The following DPP6 variants were observed in gnomAD, a reference collection of about 807,000 sequenced individuals.
The protein encoded by DPP6 is A-type potassium channel modulatory protein DPP6.
DPP6 carries 69 observed loss-of-function variants against 122.6 expected under a neutral mutation model. The ratio of observed to expected loss-of-function variants is 0.56; its 90% CI spans 0.46 to 0.69. The LOEUF (loss-of-function observed/expected upper bound fraction) is 0.69. Among genes scored for constraint, DPP6 ranks in the 30% least tolerant of loss-of-function variants. DPP6 has a pLI of 0.00. For synonymous variants in DPP6, 418 were observed against 433.1 expected, an observed-to-expected ratio of 0.97 and a Z score of 0.43; for missense variants, 928 against 1,116.9, an observed-to-expected ratio of 0.83 and a Z score of 2.41.
intron 1 of DPP6, among the ~76,000 whole-genome samples, chr7:154,023,318 G>GCACGCGCACACA (rs373378162): frequency 0.015 from 1,937 of 129,568 alleles, 41 homozygotes; most frequent in African/African-American, 0.028. Context: ...TTTCTTGTCT[G>GCACGCGCACACA]CACACACACA....
At chr7:154,292,241 T>A (rs1441922901) in intron 1 of DPP6, among the ~76,000 whole-genome samples, 1 of 151,828 alleles carries the variant, frequency 6.6e-6, no homozygotes, top group African/African-American at 2.4e-5. Context: ...GCAAGGAAAA[T>A]ATATATATAC....
intron 1 of DPP6, among the ~76,000 whole-genome samples, chr7:154,370,935 C>T (rs1812598925): frequency 6.6e-6 from 1 of 152,202 alleles, no homozygotes; most frequent in South Asian, 2.1e-4. Context: ...ACACTCGAAG[C>T]ATGCAGAGGC....
At chr7:154,519,058 C>T (rs972939774) in intron 3 of DPP6, among the ~76,000 whole-genome samples, 1 of 152,164 alleles carries the variant, frequency 6.6e-6, no homozygotes, top group Admixed American at 6.5e-5. Context: ...ATACCTCCAC[C>T]CACTCGGAGC....
chr7:154,242,693 G>T (rs991019939), intron 1 of DPP6, among the ~76,000 whole-genome samples: 2 of 152,208 alleles, frequency 1.3e-5, no homozygotes, highest in Admixed American at 6.5e-5. Context: ...CTGACCTGAG[G>T]AGGAGATTGG....
chr7:154,109,673 T>C (rs1806429897), intron 1 of DPP6, among the ~76,000 whole-genome samples: 1 of 150,158 alleles, frequency 6.7e-6, no homozygotes, highest in Non-Finnish European at 1.5e-5. Flanking sequence ...GATGTGTGCA[T>C]TTTTTTTTCC....
chr7:154,248,584 G>A (rs1802139820), intron 1 of DPP6, among the ~76,000 whole-genome samples: 1 of 152,202 alleles, frequency 6.6e-6, no homozygotes, highest in South Asian at 2.1e-4. Context: ...CATTGAATTA[G>A]GCTGGGCGCC....
At chr7:154,610,346 C>T (rs1288662725) in intron 5 of DPP6, among the ~76,000 whole-genome samples, 1 of 151,984 alleles carries the variant, frequency 6.6e-6, no homozygotes, top group Non-Finnish European at 1.5e-5. Context: ...TAAAAAATAT[C>T]GATGGGGAGG....
chr7:154,506,011 A>G (rs1395258495), intron 3 of DPP6, among the ~76,000 whole-genome samples: 2 of 151,940 alleles, frequency 1.3e-5, no homozygotes, highest in Non-Finnish European at 2.9e-5. Flanking sequence ...TAAATTATGT[A>G]TTTATTATTT....
chr7:153,909,660 T>C (rs902601066), intron 1 of DPP6, among the ~76,000 whole-genome samples: 1 of 152,166 alleles, frequency 6.6e-6, no homozygotes, highest in African/African-American at 2.4e-5. Context: ...AGTGGTCAGT[T>C]CCCACTTAAG....
chr7:154,803,931 C>A lies in DPP6; in HGVS notation c.1475C>A (p.Ala492Asp). 6.2e-7 allele frequency: 1 copy of A among 1,613,868 alleles called. No individual in the cohort carries two copies. Among genetic ancestry groups the A allele is most frequent in the Non-Finnish European group, 8.5e-7 (1 of 1,179,822 alleles). Residue 492 changes from alanine to aspartate, a missense_variant, in exon 14 of 26, where the codon GCC (alanine) becomes GAC (aspartate). By Grantham distance (126) the Ala-to-Asp change is moderately radical. Transcript: ENST00000377770. The part of the protein sequence containing the change: ...SGDWDVTKIL[A>D]YDEKGNKIYF... ...GACTGGGACGTGACCAAGATCCTAGCCTACGATGAGAAGGGGAATAAGATG... is the reference window on the plus strand; with the variant it reads ...GACTGGGACGTGACCAAGATCCTAGACTACGATGAGAAGGGGAATAAGATG...
intron 6 of DPP6, among the ~76,000 whole-genome samples, chr7:154,640,028 G>A (rs1183759100): frequency 1.3e-5 from 2 of 152,184 alleles, no homozygotes; most frequent in African/African-American, 2.4e-5. Flanking sequence ...AAGGTGGGCA[G>A]ATCACTTGAG....
chr7:154,033,915 A>C (rs1250679444), intron 1 of DPP6, among the ~76,000 whole-genome samples: 1 of 152,122 alleles, frequency 6.6e-6, no homozygotes, highest in African/African-American at 2.4e-5. Context: ...ACTTCTTTGC[A>C]ATTTGAGTGG....
intron 10 of DPP6, among the ~76,000 whole-genome samples, chr7:154,782,716 C>T (rs1441417377): frequency 6.6e-6 from 1 of 152,054 alleles, no homozygotes; most frequent in Non-Finnish European, 1.5e-5. Context: ...GTGCTTGTCC[C>T]CACCCCCAGA....
chr7:154,863,230 A>T lies in DPP6; in HGVS notation c.1715-4765A>T, dbSNP rs1191344441. On this transcript the variant is annotated intron_variant, in intron 17 of 25. Coordinates refer to ENST00000377770, the MANE Select transcript of DPP6 (RefSeq NM_130797.4). The surrounding 1 kb of genome is among the most constrained non-coding windows in gnomAD (Gnocchi z 4.1). Reference sequence around the variant, plus strand: ...TTCCTTTGTCTTTTCTATTTTGTTCATAAAGCATGTCTCTGTTGATCACTG... The same window carrying T: ...TTCCTTTGTCTTTTCTATTTTGTTCTTAAAGCATGTCTCTGTTGATCACTG... 6.6e-6 allele frequency among the ~76,000 whole-genome samples: 1 copy of T among 152,160 alleles called. No homozygotes were observed. Among genetic ancestry groups the T allele is most frequent in the Non-Finnish European group, 1.5e-5 (1 of 68,032 alleles).
intron 5 of DPP6, among the ~76,000 whole-genome samples, chr7:154,611,283 A>G (rs1833894987): frequency 6.6e-6 from 1 of 152,212 alleles, no homozygotes. Context: ...CTTGTTACGT[A>G]CGAACACACA....
At chr7:153,856,911 A>G in the DPP6 span, among the ~76,000 whole-genome samples, 4 of 152,316 alleles carry the variant, frequency 2.6e-5, no homozygotes, top group East Asian at 7.7e-4. Flanking sequence ...ACTTAGCCTA[A>G]GACAAGTCAG....
chr7:154,829,952 C>T (rs1233308823), intron 16 of DPP6, among the ~76,000 whole-genome samples: 7 of 152,090 alleles, frequency 4.6e-5, no homozygotes, highest in Admixed American at 3.9e-4. Context: ...GTTCAAGTCT[C>T]GAGACTGCCT....
At chr7:154,135,233 C>T (rs1795487021) in intron 1 of DPP6, among the ~76,000 whole-genome samples, 2 of 151,410 alleles carry the variant, frequency 1.3e-5, no homozygotes, top group South Asian at 4.2e-4. Context: ...TCTATGAGCC[C>T]ATAGATCCTA....
intron 3 of DPP6, among the ~76,000 whole-genome samples, chr7:154,512,600 C>T (rs61325354): frequency 0.024 from 3,724 of 152,172 alleles, 158 homozygotes; most frequent in African/African-American, 0.083. Context: ...ATAATGAAGG[C>T]GATGAGAACT....
Sources: allele counts gnomAD v4.1 joint callset (sites outside exome capture counted in the v4.1 genomes callset), GRCh38; gene constraint gnomAD v4.1.1; non-coding constraint Gnocchi (gnomAD v3.1); transcripts MANE v1.5; gene names NCBI Gene and HGNC (gene_info 2026-07-23, HGNC 2026-07-21).